The following PLOD3 variants were observed in gnomAD, a reference collection of about 807,000 sequenced individuals.
PLOD3 encodes procollagen-lysine,2-oxoglutarate 5-dioxygenase 3, also known as multifunctional procollagen lysine hydroxylase and glycosyltransferase LH3.
A neutral mutation model predicts 96.9 loss-of-function variants in PLOD3; 73 were observed. That is an observed-to-expected ratio of 0.75 (90% confidence interval 0.62 to 0.92). The LOEUF is 0.92. PLOD3 is among the 40% of genes least tolerant of loss of function. The pLI, the probability that PLOD3 is intolerant of heterozygous loss-of-function variation, is 0.00. For missense variants in PLOD3, 1,004 were observed against 1,004.3 expected (o/e 1.00, Z 0.00); for synonymous variants, 454 against 413.7 (o/e 1.10, Z -1.18).
At position 101,208,521 on chromosome 7, in the gene PLOD3, G is replaced by A. The variant is rs993114700; in HGVS notation, c.1788+332C>T. The A allele has an allele frequency of 1.7e-4, 61 of 358,970 alleles. No individual in the cohort carries two copies. The Admixed American group carries it at 1.9e-3, about 11-fold the overall frequency. 22.2% of individuals were successfully genotyped at this position (358,970 alleles called of 1,614,324 possible). A position where few individuals can be genotyped will look rare whatever the true frequency, so the allele number is the denominator to read the frequency against. On this transcript the variant is annotated intron_variant, in intron 16 of 18. Coordinates refer to ENST00000223127, the MANE Select transcript of PLOD3 (RefSeq NM_001084.5). ...CTCCCAAAGTGCTGGGATTACAGGC[G>A]TGAGCCACCGCACCTGGCCCAAACT... is the stretch of plus-strand genomic sequence containing the variant.
chr7:101,212,591 A>T lies in PLOD3; in HGVS notation c.944T>A (p.Leu315Gln). The change falls in exon 9 of 19, where the codon CTG becomes CAG. Residue 315 changes from leucine (L) to glutamine (Q), a missense_variant. This residue lies in a region of PLOD3 where 690 missense variants were observed against 650.2 expected (regional missense o/e 1.06). Coordinates refer to ENST00000223127, the MANE Select transcript of PLOD3 (RefSeq NM_001084.5). Reference sequence around the variant, plus strand: ...ATAGTCCAGGAGTAGCAGCCGCTGCAGGAAGCGGGGCAGAAACGGAGTAGG... The same window carrying T: ...ATAGTCCAGGAGTAGCAGCCGCTGCTGGAAGCGGGGCAGAAACGGAGTAGG... ...EQPTPFLPRF[L>Q]QRLLLLDYPP... is the part of the protein sequence containing the mutation. 6.2e-7 allele frequency: 1 copy of T among 1,613,888 alleles called. No individual in the cohort carries two copies. Among genetic ancestry groups the T allele is most frequent in the Non-Finnish European group, 8.5e-7 (1 of 1,179,856 alleles).
intron 6 of PLOD3, among the ~76,000 whole-genome samples, chr7:101,214,570 G>A (rs1798238665): frequency 6.6e-6 from 1 of 152,130 alleles, no homozygotes. Context: ...GGGCACAGTG[G>A]CTCATGCCTG....
intron 6 of PLOD3, 63 bp from the exon 7 acceptor site, chr7:101,213,267 C>T: frequency 2.8e-6 from 3 of 1,083,794 alleles, no homozygotes; most frequent in Non-Finnish European, 4.3e-6. Flanking sequence ...GCAACACATT[C>T]TTCTAAATAT....
chr7:101,206,284 G>A lies in PLOD3; in HGVS notation c.2214C>T (p.Pro738=). Residue 738 remains proline (P), a synonymous_variant, in exon 19 of 19, where the codon CCC becomes CCT. Coordinates refer to ENST00000223127, the MANE Select transcript of PLOD3 (RefSeq NM_001084.5). ...TRYIMVSFVD[P] ...GGTTTGGCAGAGTGGTTGAGTGTCA[G>A]GGGTCGACAAAGGACACCATGATGT... 1 of 1,613,918 alleles carries A rather than the reference G, an allele frequency of 6.2e-7. No homozygotes were observed. Among genetic ancestry groups the A allele is most frequent in the Non-Finnish European group, 8.5e-7 (1 of 1,179,932 alleles).
At chr7:101,217,059 G>C in intron 1 of PLOD3, 107 bp downstream of exon 1, 2 of 1,224,254 alleles carry the variant, frequency 1.6e-6, no homozygotes, top group Non-Finnish European at 2.2e-6. Flanking sequence ...ACGCTGGGCG[G>C]GGGACGGGCC....
chr7:101,209,661 G>C (rs1184894463), intron 15 of PLOD3, among the ~76,000 whole-genome samples: 2 of 151,444 alleles, frequency 1.3e-5, no homozygotes, highest in Admixed American at 6.6e-5. Context: ...CAATGTACTG[G>C]GATTACAAGC....
At chr7:101,211,268 C>T (rs939679516) in intron 12 of PLOD3, 1 of 292,434 alleles carries the variant, frequency 3.4e-6, no homozygotes, top group African/African-American at 2.2e-5. Flanking sequence ...CAGCCTCAAC[C>T]TCCCAAGTTC....
intron 12 of PLOD3, chr7:101,211,375 C>T: frequency 1.8e-6 from 1 of 569,834 alleles, no homozygotes; most frequent in Non-Finnish European, 3.1e-6. Flanking sequence ...GAGATAGGCT[C>T]TTGCTACGTT....
intron 15 of PLOD3, among the ~76,000 whole-genome samples, chr7:101,209,520 G>A (rs968115990): frequency 2.4e-4 from 36 of 150,838 alleles, no homozygotes; most frequent in Admixed American, 2.0e-3. Flanking sequence ...TGGGACTACA[G>A]GTGCACGCCA....
At chr7:101,214,617 C>T (rs1048322651) in intron 6 of PLOD3, among the ~76,000 whole-genome samples, 8 of 152,106 alleles carry the variant, frequency 5.3e-5, no homozygotes, top group Non-Finnish European at 1.0e-4. Context: ...GCAGGCGGAT[C>T]ACCTGAGGTT....
chr7:101,217,308 C>T lies in PLOD3; in HGVS notation c.-34G>A, dbSNP rs1411624340. On this transcript the variant is annotated 5_prime_UTR_variant, in exon 1 of 19. Coordinates refer to ENST00000223127, the MANE Select transcript of PLOD3 (RefSeq NM_001084.5). ...GCGGGCCCAGACAGCACCCAGGATC[C>T]TGGGATCTCCGCTACGCGCCTGGAT... is the stretch of plus-strand genomic sequence containing the variant. 1 of 1,389,556 alleles carries T rather than the reference C, an allele frequency of 7.2e-7. No individual in the cohort carries two copies. Among genetic ancestry groups the T allele is most frequent in the Non-Finnish European group, 9.3e-7 (1 of 1,069,938 alleles). The allele number at this position is 1,389,556 out of a possible 1,614,324, so 86.1% of individuals were successfully genotyped here. A position where few individuals can be genotyped will look rare whatever the true frequency, so the allele number is the denominator to read the frequency against.
Position 101,207,651 on chromosome 7 carries a change from T to A in PLOD3, c.1862A>T (p.Asp621Val). 6.2e-7 allele frequency: 1 copy of A among 1,613,884 alleles called. No individual in the cohort carries two copies. The highest frequency in any genetic ancestry group is 8.5e-7 in the Non-Finnish European group (1 of 1,179,904). Residue 621 changes from aspartate to valine, a missense_variant, in exon 17 of 19, where the codon GAC becomes GTC. Physicochemically the swap from Asp to Val is radical, Grantham distance 152. Transcript: ENST00000223127. The stretch of plus-strand genomic sequence containing the variant: ...CGTCCGCAGCAGCTGCAGCCACTGG[T>A]CCTCGTACCCCACCTGCTTCATGTG... The part of the protein sequence containing the change: ...DIHMKQVGYE[D>V]QWLQLLRTYV...
intron 6 of PLOD3, chr7:101,213,460 T>C: frequency 1.8e-6 from 1 of 550,740 alleles, no homozygotes; most frequent in South Asian, 2.1e-5. Context: ...GGGAGGCCAG[T>C]AGGAGCCTCA....
rs1360099114 is a variant in PLOD3, at chr7:101,206,150, C to T, written c.*131G>A. 4.1e-6 allele frequency: 4 copies of T among 969,120 alleles called. No homozygotes were observed. The African/African-American group carries it at 6.4e-5, about 15-fold the overall frequency. The allele number at this position is 969,120 out of a possible 1,614,324, so 60.0% of individuals were successfully genotyped here. A position where few individuals can be genotyped will look rare whatever the true frequency, so the allele number is the denominator to read the frequency against. ...TGTCTTGGGAGCAAGGTGACATATT[C>T]AGTTCAGGCACGCGGAACATGAACT... On this transcript the variant is annotated 3_prime_UTR_variant, in exon 19 of 19. Coordinates refer to ENST00000223127, the MANE Select transcript of PLOD3 (RefSeq NM_001084.5).
rs1231648708 is a variant in PLOD3 at position 101,206,201 on chromosome 7, C to A, written c.*80G>T. The A allele has an allele frequency of 3.7e-6, 5 of 1,358,492 alleles. No individual in the cohort carries two copies. The highest frequency in any genetic ancestry group is 5.3e-6 in the Non-Finnish European group (5 of 947,560). The allele number at this position is 1,358,492 out of a possible 1,614,324, so 84.2% of individuals were successfully genotyped here. A position where few individuals can be genotyped will look rare whatever the true frequency, so the allele number is the denominator to read the frequency against. ...CAGGAAGTGGGGAGACAGAGAGACC[C>A]ATCCCCCAACTCCCAGGACGGGGGC... is the stretch of plus-strand genomic sequence containing the variant. On this transcript the variant is annotated 3_prime_UTR_variant, in exon 19 of 19. Coordinates refer to ENST00000223127, the MANE Select transcript of PLOD3 (RefSeq NM_001084.5).
At position 101,217,349 on chromosome 7, in the gene PLOD3, GA is replaced by G; in HGVS notation, c.-76del. 7.5e-7 allele frequency: 1 copy of G among 1,335,922 alleles called. No individual in the cohort carries two copies. Among genetic ancestry groups the G allele is most frequent in the Non-Finnish European group, 9.6e-7 (1 of 1,041,578 alleles). 82.8% of individuals were successfully genotyped at this position (1,335,922 alleles called of 1,614,324 possible). On this transcript the variant is annotated 5_prime_UTR_variant, in exon 1 of 19. Coordinates refer to ENST00000223127, the MANE Select transcript of PLOD3 (RefSeq NM_001084.5). ...GCGCCTGGATCCCAGCTCCGGAGGG[GA>G]GCTCTGGAAAGGGGGCGCTCGGGCT...
rs1472746267 is a variant in PLOD3, at chr7:101,212,590, C to T, written c.945G>A (p.Leu315=). 1 of 1,613,826 alleles carries T rather than the reference C, an allele frequency of 6.2e-7. No individual in the cohort carries two copies. The part of the protein sequence containing the change: ...EQPTPFLPRF[L]QRLLLLDYPP... ...GATAGTCCAGGAGTAGCAGCCGCTGCAGGAAGCGGGGCAGAAACGGAGTAG... is the reference window on the plus strand; with the variant it reads ...GATAGTCCAGGAGTAGCAGCCGCTGTAGGAAGCGGGGCAGAAACGGAGTAG... The change falls in exon 9 of 19, where the codon CTG becomes CTA. Residue 315 remains leucine (L), a synonymous_variant. Coordinates refer to ENST00000223127, the MANE Select transcript of PLOD3 (RefSeq NM_001084.5).
intron 6 of PLOD3, 41 bp downstream of exon 6, chr7:101,215,048 G>A: frequency 6.8e-7 from 1 of 1,466,736 alleles, no homozygotes; most frequent in Non-Finnish European, 9.6e-7. Context: ...CCTAGCTGCA[G>A]AGGCTGCGCA....
intron 15 of PLOD3, 143 bp from the exon 16 acceptor site, chr7:101,209,100 G>A: frequency 1.4e-6 from 1 of 698,730 alleles, no homozygotes; most frequent in Non-Finnish European, 2.6e-6. Flanking sequence ...TAGGGGCTGA[G>A]GGAGTGGCAA....
Sources: gnomAD v4.1 joint callset for allele counts (sites outside exome capture counted in the v4.1 genomes callset) on GRCh38, gnomAD v4.1.1 for gene constraint, gnomAD v4.1.1 regional missense constraint, MANE v1.5 for transcripts, NCBI Gene and HGNC (gene_info 2026-07-23, HGNC 2026-07-21) for gene names.